ADAMTSL1: variants seen among roughly 807,000 people sequenced by gnomAD.
The protein encoded by ADAMTSL1 is ADAMTS like 1, also known as ADAMTS-like protein 1.
A neutral mutation model predicts 201.8 loss-of-function variants in ADAMTSL1; 126 were observed. The observed-to-expected ratio is 0.62, with a 90% CI of 0.54 to 0.72. The LOEUF is 0.72. ADAMTSL1 is among the 30% of genes least tolerant of loss of function. ADAMTSL1 has a pLI of 0.00. For synonymous variants in ADAMTSL1, 1,121 were observed against 903.4 expected (o/e 1.24, Z -4.32); for missense variants, 2,679 against 2,277.8 (o/e 1.18, Z -3.59).
At chr9:18,748,574 G>A (rs77853631) in intron 15 of ADAMTSL1, among the ~76,000 whole-genome samples, 2,208 of 152,326 alleles carry the variant, frequency 0.014, 42 homozygotes, top group Admixed American at 0.057. Context: ...AGGAAAATGT[G>A]TGGTGTTCAG....
At chr9:17,965,258 T>A (rs1817938216) in intron 1 of ADAMTSL1, among the ~76,000 whole-genome samples, 1 of 152,194 alleles carries the variant, frequency 6.6e-6, no homozygotes, top group Non-Finnish European at 1.5e-5. Context: ...AATAGTTTTA[T>A]ACCAGAATAA....
chr9:18,146,022 A>T (rs1826624140), intron 1 of ADAMTSL1, among the ~76,000 whole-genome samples: 1 of 152,158 alleles, frequency 6.6e-6, no homozygotes, highest in Non-Finnish European at 1.5e-5. Context: ...TGCAAATTAA[A>T]ACCAAGGAGA....
chr9:18,078,718 C>A (rs1409080080), intron 1 of ADAMTSL1, among the ~76,000 whole-genome samples: 3 of 152,094 alleles, frequency 2.0e-5, no homozygotes, highest in Non-Finnish European at 4.4e-5. Context: ...CTCTGGTTAC[C>A]ACTCCCTTCT....
chr9:17,972,103 TTG>T (rs1003683782), intron 1 of ADAMTSL1, among the ~76,000 whole-genome samples: 41 of 152,004 alleles, frequency 2.7e-4, no homozygotes, highest in South Asian at 1.0e-3. Context: ...GACCTATTTT[TTG>T]TGTGTTTGTG....
intron 3 of ADAMTSL1, among the ~76,000 whole-genome samples, chr9:18,537,803 G>T (rs1193431261): frequency 6.6e-6 from 1 of 150,934 alleles, no homozygotes; most frequent in East Asian, 2.0e-4. Flanking sequence ...GAGCCCAGGA[G>T]TTTGAAGTTG....
At chr9:18,272,182 C>A (rs908103499) in intron 2 of ADAMTSL1, among the ~76,000 whole-genome samples, 2 of 152,072 alleles carry the variant, frequency 1.3e-5, no homozygotes, top group Non-Finnish European at 2.9e-5. Flanking sequence ...AAGCTGGAGG[C>A]ATCACACTAC....
intron 2 of ADAMTSL1, among the ~76,000 whole-genome samples, chr9:18,425,631 G>T (rs1189042433): frequency 6.6e-6 from 1 of 152,050 alleles, no homozygotes; most frequent in Non-Finnish European, 1.5e-5. Flanking sequence ...GAGGAGGGAA[G>T]ATGGCTTGAG....
chr9:18,029,483 A>C (rs989655816), intron 1 of ADAMTSL1, among the ~76,000 whole-genome samples: 1 of 152,210 alleles, frequency 6.6e-6, no homozygotes, highest in African/African-American at 2.4e-5. Flanking sequence ...GGACATAGGC[A>C]TGGGCAAGGA....
chr9:18,519,302 G>C (rs1156770510), intron 2 of ADAMTSL1, among the ~76,000 whole-genome samples: 1 of 152,152 alleles, frequency 6.6e-6, no homozygotes, highest in East Asian at 1.9e-4. Flanking sequence ...TCACTGTTAG[G>C]TGAATTTACT....
intron 3 of ADAMTSL1, among the ~76,000 whole-genome samples, chr9:18,536,777 C>T (rs547496927): frequency 6.2e-4 from 95 of 152,262 alleles, no homozygotes; most frequent in African/African-American, 2.1e-3. Context: ...TCATTTAGGT[C>T]TCAGAGATTT....
intron 2 of ADAMTSL1, among the ~76,000 whole-genome samples, chr9:18,395,974 C>G (rs190792325): frequency 1.3e-5 from 2 of 152,138 alleles, no homozygotes; most frequent in Admixed American, 1.3e-4. Flanking sequence ...TTTAGTCTGG[C>G]CTTTCTGTGG....
At chr9:18,291,907 G>A (rs903027608) in intron 2 of ADAMTSL1, among the ~76,000 whole-genome samples, 5 of 151,926 alleles carry the variant, frequency 3.3e-5, no homozygotes, top group Non-Finnish European at 7.4e-5. Context: ...ATGCCTTTAC[G>A]CTTTGCAGCC....
At chr9:18,638,609 A>T (rs895226006) in intron 6 of ADAMTSL1, among the ~76,000 whole-genome samples, 1 of 152,076 alleles carries the variant, frequency 6.6e-6, no homozygotes, top group African/African-American at 2.4e-5. Flanking sequence ...CCAGAAATCA[A>T]GGTTTTTTTT....
intron 2 of ADAMTSL1, among the ~76,000 whole-genome samples, chr9:18,389,617 A>G (rs944583784): frequency 6.6e-6 from 1 of 152,144 alleles, no homozygotes; most frequent in Non-Finnish European, 1.5e-5. Context: ...GTTCATATGC[A>G]ATATGTAGAG....
chr9:17,973,900 T>C (rs2798922), intron 1 of ADAMTSL1, among the ~76,000 whole-genome samples: 118,273 of 147,212 alleles, frequency 0.8, 47,925 homozygotes, highest in East Asian at 0.92. Flanking sequence ...AAGTTGGATT[T>C]CTAGGTATTT....
intron 1 of ADAMTSL1, among the ~76,000 whole-genome samples, chr9:17,993,785 A>G (rs1284351954): frequency 6.6e-6 from 1 of 152,094 alleles, no homozygotes; most frequent in Non-Finnish European, 1.5e-5. Flanking sequence ...TTTCTTTGGC[A>G]TTTACAAATT....
chr9:18,194,833 C>T (rs556963912), intron 2 of ADAMTSL1, among the ~76,000 whole-genome samples: 30 of 152,172 alleles, frequency 2.0e-4, no homozygotes, highest in African/African-American at 5.8e-4. Context: ...CAAGTTGTCC[C>T]GCCTTTATTC....
At chr9:18,268,214 T>C (rs1278264025) in intron 2 of ADAMTSL1, among the ~76,000 whole-genome samples, 3 of 152,190 alleles carry the variant, frequency 2.0e-5, no homozygotes, top group Non-Finnish European at 4.4e-5. Flanking sequence ...TTGGCTTGTT[T>C]TCTATCATCT....
At chr9:18,825,583 T>C (rs1358386959) in intron 21 of ADAMTSL1, among the ~76,000 whole-genome samples, 2 of 152,178 alleles carry the variant, frequency 1.3e-5, no homozygotes, top group Non-Finnish European at 2.9e-5. Context: ...TTTGCACTTT[T>C]TATTAAAATA....
Sources: gnomAD v4.1 joint callset for allele counts (sites outside exome capture counted in the v4.1 genomes callset) on GRCh38, gnomAD v4.1.1 for gene constraint, MANE v1.5 for transcripts, NCBI Gene and HGNC (gene_info 2026-07-23, HGNC 2026-07-21) for gene names.